Variants in NR2C2 observed in about 807,000 individuals in gnomAD.
The protein encoded by NR2C2 is nuclear receptor subfamily 2 group C member 2, also known as Nuclear hormone receptor TR4.
NR2C2 carries 6 observed loss-of-function variants against 62.9 expected under a neutral mutation model. The observed-to-expected ratio is 0.10, with a 90% CI of 0.05 to 0.19. NR2C2 has a LOEUF of 0.19. Among genes scored for constraint, NR2C2 ranks in the 10% least tolerant of loss-of-function variants. The pLI is 1.00. For synonymous variants in NR2C2, 272 were observed against 273.8 expected (o/e 0.99, Z 0.07); for missense variants, 479 against 762.7 (o/e 0.63, Z 4.38).
At chr3:15,004,916 T>G (rs554214378) in intron 2 of NR2C2, among the ~76,000 whole-genome samples, 2 of 152,140 alleles carry the variant, frequency 1.3e-5, no homozygotes, top group Non-Finnish European at 2.9e-5. Flanking sequence ...TTGCTTGCTT[T>G]CTTTTTATTT....
intron 1 of NR2C2, among the ~76,000 whole-genome samples, chr3:14,968,141 A>G (rs2039915850): frequency 1.3e-5 from 2 of 152,242 alleles, no homozygotes; most frequent in South Asian, 4.1e-4. Flanking sequence ...GAGAAATGGG[A>G]TCTAATTAAG....
At chr3:15,020,070 A>G (rs2041628039) in intron 4 of NR2C2, among the ~76,000 whole-genome samples, 1 of 152,216 alleles carries the variant, frequency 6.6e-6, no homozygotes, top group South Asian at 2.1e-4. Flanking sequence ...CACCAAAGTA[A>G]AACAAGATTA....
At chr3:14,977,002 A>G (rs2040226036) in intron 1 of NR2C2, among the ~76,000 whole-genome samples, 3 of 152,116 alleles carry the variant, frequency 2.0e-5, no homozygotes, top group South Asian at 2.1e-4. Context: ...GGGTTCTTTC[A>G]GTCAAAGTTC....
chr3:15,028,094 A>G (rs1226113830), intron 7 of NR2C2, among the ~76,000 whole-genome samples: 3 of 152,162 alleles, frequency 2.0e-5, no homozygotes, highest in African/African-American at 4.8e-5. Context: ...CCCTGACCTC[A>G]GGTGATCCAC....
intron 5 of NR2C2, among the ~76,000 whole-genome samples, chr3:15,021,795 A>G (rs1295796633): frequency 6.6e-6 from 1 of 152,262 alleles, no homozygotes; most frequent in African/African-American, 2.4e-5. Context: ...GAAAACCAAT[A>G]TATTTCAGTA....
chr3:15,034,750 T>C lies in NR2C2; in HGVS notation c.1313T>C (p.Met438Thr). The C allele has an allele frequency of 6.2e-7, 1 of 1,614,106 alleles. No individual in the cohort carries two copies. The highest frequency in any genetic ancestry group is 8.5e-7 in the Non-Finnish European group (1 of 1,179,986). The change falls in exon 11 of 14, where the codon ATG becomes ACG. Residue 438 changes from methionine (M) to threonine (T), a missense_variant. By Grantham distance (81) the Met-to-Thr change is moderately conservative. Transcript: ENST00000425241. ...TLGLAQCAQV[M>T]SLSTILAAIV... is the part of the protein sequence containing the mutation. ...GGCCTGGCCCAGTGTGCCCAGGTCA[T>C]GAGTCTCTCCACCATCCTGGCTGCC...
chr3:15,028,439 C>G, intron 7 of NR2C2, 147 bp from the exon 8 acceptor site: 1 of 654,116 alleles, frequency 1.5e-6, no homozygotes, highest in Non-Finnish European at 2.6e-6. Flanking sequence ...TGTTAAATCA[C>G]TAAAAAGATC....
intron 1 of NR2C2, among the ~76,000 whole-genome samples, chr3:14,975,665 A>G (rs13098497): frequency 0.27 from 40,798 of 151,924 alleles, 6,212 homozygotes; most frequent in African/African-American, 0.4. Flanking sequence ...GAAGAGAATA[A>G]TTTATAGTTT....
chr3:15,024,357 A>G (rs1003374387), intron 7 of NR2C2, 149 bp downstream of exon 7: 25 of 582,182 alleles, frequency 4.3e-5, no homozygotes, highest in Non-Finnish European at 6.3e-5. Context: ...TGTGATAGCT[A>G]TCTTGTGATT....
At chr3:14,966,896 T>A (rs536208290) in intron 1 of NR2C2, among the ~76,000 whole-genome samples, 5 of 152,366 alleles carry the variant, frequency 3.3e-5, no homozygotes, top group Admixed American at 6.5e-5. Flanking sequence ...TTGAAAGCTG[T>A]GTGACCTCTC....
intron 1 of NR2C2, among the ~76,000 whole-genome samples, chr3:14,985,290 G>A (rs954300452): frequency 1.3e-5 from 2 of 152,018 alleles, no homozygotes; most frequent in Admixed American, 1.3e-4. Context: ...TATTTTGATA[G>A]TGGTTGTTTT....
intron 1 of NR2C2, among the ~76,000 whole-genome samples, chr3:14,964,558 A>G (rs2039785353): frequency 6.6e-6 from 1 of 151,176 alleles, no homozygotes; most frequent in African/African-American, 2.4e-5. Flanking sequence ...CTCTGTGCCG[A>G]GGCTATTGTG....
intron 1 of NR2C2, among the ~76,000 whole-genome samples, chr3:14,985,273 A>AT (rs1213444025): frequency 6.6e-6 from 1 of 152,016 alleles, no homozygotes; most frequent in African/African-American, 2.4e-5. Context: ...TGAAGAATAG[A>AT]TTTTTTTATT....
Position 15,038,307 on chromosome 3 carries a change from C to A in NR2C2, c.1510+170C>A. On this transcript the variant is annotated intron_variant, in intron 12 of 13. Transcript: ENST00000425241. ...ATAAATACATAAACGCTTTTAAATT[C>A]TTGCCTTTACAGCCCCAAAGAAATA... The A allele has an allele frequency of 8.3e-6, 5 of 602,490 alleles. No homozygotes were observed. The South Asian group carries it at 1.4e-4, about 17-fold the overall frequency. The allele number at this position is 602,490 out of a possible 1,614,324, so 37.3% of individuals were successfully genotyped here.
chr3:15,039,331 C>A, intron 13 of NR2C2, 104 bp downstream of exon 13: 1 of 735,222 alleles, frequency 1.4e-6, no homozygotes, highest in Non-Finnish European at 2.4e-6. Flanking sequence ...TTTTAGCAGC[C>A]TGATAGAGCC....
intron 7 of NR2C2, chr3:15,026,646 A>C (rs897095448): frequency 4.6e-5 from 7 of 152,200 alleles, no homozygotes; most frequent in Admixed American, 2.0e-4. Flanking sequence ...TCTAAGGGTC[A>C]TCATGATATA....
chr3:15,042,862 G>A lies in NR2C2; in HGVS notation c.1645G>A (p.Ala549Thr). 1 of 1,614,042 alleles carries A rather than the reference G, an allele frequency of 6.2e-7. No individual in the cohort carries two copies. Among genetic ancestry groups the A allele is most frequent in the South Asian group, 1.1e-5 (1 of 91,056 alleles). The change falls in exon 14 of 14, where the codon GCA becomes ACA. Residue 549 changes from alanine (A) to threonine (T), a missense_variant. Ala to Thr is a moderately conservative substitution (Grantham distance 58, BLOSUM62 0). Coordinates refer to ENST00000425241, the MANE Select transcript of NR2C2 (RefSeq NM_001291694.2). ...RLARILVRLPALRLMSSNITE... is the reference protein window; with the variant it reads ...RLARILVRLPTLRLMSSNITE... Reference sequence around the variant, plus strand: ...GGCCCGGATCCTCGTTCGCCTGCCGGCACTCAGGCTGATGAGCTCCAACAT... The same window carrying A: ...GGCCCGGATCCTCGTTCGCCTGCCGACACTCAGGCTGATGAGCTCCAACAT...
chr3:14,967,405 G>T (rs1452428553), intron 1 of NR2C2, among the ~76,000 whole-genome samples: 2 of 151,836 alleles, frequency 1.3e-5, no homozygotes, highest in African/African-American at 4.8e-5. Context: ...CACTAGAATG[G>T]CTAGAATATA....
intron 13 of NR2C2, among the ~76,000 whole-genome samples, chr3:15,041,926 A>G (rs527770792): frequency 6.6e-6 from 1 of 152,276 alleles, no homozygotes; most frequent in African/African-American, 2.4e-5. Context: ...ACTTCCAGAA[A>G]TTTTTTATGT....
Sources: gnomAD v4.1 joint callset for allele counts (sites outside exome capture counted in the v4.1 genomes callset) on GRCh38, gnomAD v4.1.1 for gene constraint, MANE v1.5 for transcripts, NCBI Gene and HGNC (gene_info 2026-07-23, HGNC 2026-07-21) for gene names.